EDIL3: variants seen among roughly 807,000 people sequenced by gnomAD.
EDIL3 encodes the protein EGF-like repeat and discoidin I-like domain-containing protein 3.
A neutral mutation model predicts 67.4 loss-of-function variants in EDIL3; 37 were observed. That is an observed-to-expected ratio of 0.55 (90% confidence interval 0.42 to 0.72). The LOEUF is 0.72. Among genes scored for constraint, EDIL3 ranks in the 30% least tolerant of loss-of-function variants. EDIL3 has a pLI of 0.00. For missense variants in EDIL3, 527 were observed against 586.3 expected, an observed-to-expected ratio of 0.90 and a Z score of 1.04; for synonymous variants, 195 against 196.3, an observed-to-expected ratio of 0.99 and a Z score of 0.05.
intron 6 of EDIL3, among the ~76,000 whole-genome samples, chr5:84,079,147 T>G (rs1428786256): frequency 6.6e-6 from 1 of 152,242 alleles, no homozygotes; most frequent in South Asian, 2.1e-4. Context: ...GGGTGTCACA[T>G]CAGAGAGGGC....
chr5:84,275,911 T>G (rs1467129134), intron 1 of EDIL3, among the ~76,000 whole-genome samples: 1 of 152,224 alleles, frequency 6.6e-6, no homozygotes, highest in African/African-American at 2.4e-5. Context: ...CTATTAACAC[T>G]AGTTCAGGGT....
chr5:84,244,044 G>A (rs1744858218), intron 2 of EDIL3, among the ~76,000 whole-genome samples: 1 of 152,038 alleles, frequency 6.6e-6, no homozygotes. Flanking sequence ...ATGGCTCCGG[G>A]GAATGTGGCC....
At chr5:84,207,065 G>A (rs1743997147) in intron 3 of EDIL3, among the ~76,000 whole-genome samples, 1 of 152,128 alleles carries the variant, frequency 6.6e-6, no homozygotes, top group Non-Finnish European at 1.5e-5. Context: ...GCAGGAGAAG[G>A]AAATAAAGTG....
At chr5:84,048,751 C>T (rs1480160593) in intron 9 of EDIL3, among the ~76,000 whole-genome samples, 3 of 151,954 alleles carry the variant, frequency 2.0e-5, no homozygotes. Flanking sequence ...TGAATACATA[C>T]ACAATGTATT....
At position 84,372,700 on chromosome 5, in the gene EDIL3, T is replaced by A. The variant is rs542324104; in HGVS notation, c.67+11608A>T. ...TGGATCTATAAGACCTAGTTTTGAG[T>A]GCTGATTACTTATTCTATTCTCAGT... On this transcript the variant is annotated intron_variant, in intron 1 of 10. Transcript: ENST00000296591. Among the ~76,000 whole-genome samples the A allele has an allele frequency of 1.1e-4, 16 of 152,298 alleles. No homozygotes were observed. The East Asian group carries it at 2.9e-3, about 28-fold the overall frequency.
chr5:84,173,350 G>A (rs1561452880), intron 4 of EDIL3, among the ~76,000 whole-genome samples: 1 of 152,134 alleles, frequency 6.6e-6, no homozygotes, highest in Non-Finnish European at 1.5e-5. Context: ...GTGAGGGTCT[G>A]CCAGTTGCAG....
At chr5:84,035,713 T>C (rs1746010181) in intron 9 of EDIL3, among the ~76,000 whole-genome samples, 1 of 152,188 alleles carries the variant, frequency 6.6e-6, no homozygotes, top group Admixed American at 6.5e-5. Flanking sequence ...TTCTGGAACT[T>C]ATTTTTTAAC....
At chr5:84,098,312 T>G (rs986767916) in intron 6 of EDIL3, among the ~76,000 whole-genome samples, 2 of 152,106 alleles carry the variant, frequency 1.3e-5, no homozygotes, top group African/African-American at 4.8e-5. Flanking sequence ...GGGGTTACTG[T>G]GCTCATTATA....
At chr5:84,346,377 A>G (rs1221224006) in intron 1 of EDIL3, among the ~76,000 whole-genome samples, 1 of 152,140 alleles carries the variant, frequency 6.6e-6, no homozygotes, top group Non-Finnish European at 1.5e-5. Context: ...GATACATGAA[A>G]GAATGGGCTT....
intron 3 of EDIL3, among the ~76,000 whole-genome samples, chr5:84,213,502 G>C (rs960608154): frequency 6.6e-6 from 1 of 152,022 alleles, no homozygotes; most frequent in Non-Finnish European, 1.5e-5. Flanking sequence ...TTAATTCTTC[G>C]TTTTTACTAT....
intron 9 of EDIL3, among the ~76,000 whole-genome samples, chr5:84,013,484 T>G (rs1245668296): frequency 1.3e-5 from 2 of 152,148 alleles, no homozygotes; most frequent in Admixed American, 1.3e-4. Context: ...AATATTCTGC[T>G]GCCAAACACA....
intron 1 of EDIL3, among the ~76,000 whole-genome samples, chr5:84,326,520 T>A (rs1352050155): frequency 1.5e-5 from 1 of 65,462 alleles, no homozygotes; most frequent in African/African-American, 3.5e-5. Flanking sequence ...CACTTAAAAA[T>A]GGTTAGGATG....
chr5:84,003,453 C>T (rs1351098355), intron 9 of EDIL3, among the ~76,000 whole-genome samples: 1 of 152,180 alleles, frequency 6.6e-6, no homozygotes, highest in Non-Finnish European at 1.5e-5. Flanking sequence ...GAAGCTCACA[C>T]TCTCAGAGCA....
intron 3 of EDIL3, among the ~76,000 whole-genome samples, chr5:84,221,952 A>G (rs1442880749): frequency 2.6e-5 from 4 of 151,948 alleles, no homozygotes; most frequent in African/African-American, 9.7e-5. Flanking sequence ...AGAATGCACA[A>G]CCAACCCTTG....
intron 3 of EDIL3, among the ~76,000 whole-genome samples, chr5:84,187,504 A>T (rs1000026512): frequency 3.3e-5 from 5 of 152,094 alleles, no homozygotes; most frequent in African/African-American, 4.8e-5. Flanking sequence ...ATTGCCAGTT[A>T]GATATCAAAA....
At chr5:84,309,552 T>A (rs928103647) in intron 1 of EDIL3, among the ~76,000 whole-genome samples, 1 of 151,610 alleles carries the variant, frequency 6.6e-6, no homozygotes, top group African/African-American at 2.4e-5. Context: ...GTCCATGTGT[T>A]CTCATTGTTC....
At chr5:84,279,660 T>G (rs1561243703) in intron 1 of EDIL3, among the ~76,000 whole-genome samples, 1 of 152,190 alleles carries the variant, frequency 6.6e-6, no homozygotes, top group Non-Finnish European at 1.5e-5. Context: ...AAAAAGAGCT[T>G]TGCCCTTTGC....
intron 1 of EDIL3, among the ~76,000 whole-genome samples, chr5:84,338,138 C>T (rs1049513731): frequency 6.6e-6 from 1 of 152,000 alleles, no homozygotes; most frequent in Non-Finnish European, 1.5e-5. Flanking sequence ...TTTACTAATA[C>T]TAATTAGGCT....
intron 1 of EDIL3, among the ~76,000 whole-genome samples, chr5:84,364,206 T>G (rs571948020): frequency 6.6e-6 from 1 of 152,296 alleles, no homozygotes; most frequent in South Asian, 2.1e-4. Flanking sequence ...TTCCTGTGTA[T>G]TGCTTCATTT....
Sources: allele counts gnomAD v4.1 joint callset (sites outside exome capture counted in the v4.1 genomes callset), GRCh38; gene constraint gnomAD v4.1.1; transcripts MANE v1.5; gene names NCBI Gene and HGNC (gene_info 2026-07-23, HGNC 2026-07-21).